Variants in SHC3 observed in about 807,000 individuals in gnomAD.
SHC3 encodes the protein SHC adaptor protein 3.
SHC3 carries 15 observed loss-of-function variants against 60.4 expected under a neutral mutation model. The ratio of observed to expected loss-of-function variants is 0.25; its 90% CI spans 0.17 to 0.38. The LOEUF is 0.38. Among genes scored for constraint, SHC3 ranks in the 10% least tolerant of loss-of-function variants. The pLI, the probability that SHC3 is intolerant of heterozygous loss-of-function variation, is 1.00. For synonymous variants in SHC3, 294 were observed against 325.9 expected, an observed-to-expected ratio of 0.90 and a Z score of 1.05; for missense variants, 677 against 786.1, an observed-to-expected ratio of 0.86 and a Z score of 1.66.
At chr9:89,164,625 G>A (rs1826759873) in intron 1 of SHC3, among the ~76,000 whole-genome samples, 1 of 151,958 alleles carries the variant, frequency 6.6e-6, no homozygotes, top group African/African-American at 2.4e-5. Flanking sequence ...AGGCAGATGA[G>A]ATGACAGACA....
intron 2 of SHC3, among the ~76,000 whole-genome samples, chr9:89,108,122 G>C (rs1825890886): frequency 6.6e-6 from 1 of 152,192 alleles, no homozygotes; most frequent in South Asian, 2.1e-4. Flanking sequence ...AATAGGCTAT[G>C]CTATATAGCC....
chr9:89,068,894 T>C (rs1419713017), intron 5 of SHC3, among the ~76,000 whole-genome samples: 1 of 152,228 alleles, frequency 6.6e-6, no homozygotes, highest in African/African-American at 2.4e-5. Flanking sequence ...TATGTCAAAC[T>C]GGGTTATCCT....
intron 2 of SHC3, chr9:89,110,202 C>T (rs1564151264): frequency 1.0e-6 from 1 of 985,254 alleles, no homozygotes. Flanking sequence ...GAAGTGGAGT[C>T]CTCACATTTG....
At chr9:89,107,620 G>C (rs1825882618) in intron 2 of SHC3, among the ~76,000 whole-genome samples, 1 of 152,222 alleles carries the variant, frequency 6.6e-6, no homozygotes, top group Non-Finnish European at 1.5e-5. Flanking sequence ...GGCTGAGAGA[G>C]GCTTGGCCAT....
At chr9:89,089,742 T>C (rs1825592793) in intron 2 of SHC3, among the ~76,000 whole-genome samples, 1 of 152,208 alleles carries the variant, frequency 6.6e-6, no homozygotes, top group African/African-American at 2.4e-5. Context: ...TCCCAAGTCT[T>C]CTTGGGGGCA....
intron 2 of SHC3, among the ~76,000 whole-genome samples, chr9:89,078,175 C>CTTT (rs879883731): frequency 6.9e-6 from 1 of 144,416 alleles, no homozygotes. Context: ...CAATGCTACA[C>CTTT]TTTTTTTTTT....
chr9:89,065,655 A>G (rs146079934), intron 5 of SHC3, 75 bp from the exon 6 acceptor site: 15,479 of 1,452,422 alleles, frequency 0.011, 103 homozygotes, highest in Middle Eastern at 0.017. Context: ...ACAGGGCACA[A>G]ACCAGTGAGC....
At chr9:89,139,345 T>C (rs1230530255) in intron 1 of SHC3, among the ~76,000 whole-genome samples, 1 of 152,208 alleles carries the variant, frequency 6.6e-6, no homozygotes, top group African/African-American at 2.4e-5. Flanking sequence ...CAGTTTACCA[T>C]TGTTACTAAG....
chr9:89,081,708 G>C (rs1285365944), intron 2 of SHC3, among the ~76,000 whole-genome samples: 2 of 152,120 alleles, frequency 1.3e-5, no homozygotes, highest in Non-Finnish European at 2.9e-5. Context: ...CTCCACACAA[G>C]AAAAAGTCTT....
Position 89,177,976 on chromosome 9 carries a change from C to T in SHC3, c.474+11G>A. ...CCCCCAGCCCCCAGGGCGGCCCGCG[C>T]CCGCACCCACCTTGACCACGTAGGT... On this transcript the variant is annotated intron_variant, in intron 1 of 11. Coordinates refer to ENST00000375835, the MANE Select transcript of SHC3 (RefSeq NM_016848.6). The T allele has an allele frequency of 8.2e-7, 1 of 1,218,984 alleles. No individual in the cohort carries two copies. The highest frequency in any genetic ancestry group is 3.2e-5 in the East Asian group (1 of 30,860). The allele number at this position is 1,218,984 out of a possible 1,614,324, so 75.5% of individuals were successfully genotyped here. A position where few individuals can be genotyped will look rare whatever the true frequency, so the allele number is the denominator to read the frequency against.
Position 89,071,190 on chromosome 9 carries a change from G to C in SHC3, c.783+9C>G. The C allele has an allele frequency of 6.2e-7, 1 of 1,613,956 alleles. No individual in the cohort carries two copies. The highest frequency in any genetic ancestry group is 8.5e-7 in the Non-Finnish European group (1 of 1,179,908). On this transcript the variant is annotated intron_variant, in intron 5 of 11. Coordinates refer to ENST00000375835, the MANE Select transcript of SHC3 (RefSeq NM_016848.6). ...ACAAGAGCAAGAGACCAACCCCAAGGGTACTTACCGGGTCTCCCCCAGAGG... is the reference window on the plus strand; with the variant it reads ...ACAAGAGCAAGAGACCAACCCCAAGCGTACTTACCGGGTCTCCCCCAGAGG...
chr9:89,151,016 CT>C (rs35724935), intron 1 of SHC3, among the ~76,000 whole-genome samples: 94,066 of 140,474 alleles, frequency 0.67, 30,797 homozygotes, highest in East Asian at 0.96. Context: ...ATCTGCATGT[CT>C]TTTTTTTTTT....
chr9:89,159,865 C>T (rs933809990), intron 1 of SHC3, among the ~76,000 whole-genome samples: 6 of 152,204 alleles, frequency 3.9e-5, no homozygotes, highest in Non-Finnish European at 7.3e-5. Context: ...CTTTCCCAGC[C>T]CACTGACTCA....
intron 5 of SHC3, among the ~76,000 whole-genome samples, chr9:89,069,437 A>G (rs148507717): frequency 6.6e-6 from 1 of 152,354 alleles, no homozygotes; most frequent in East Asian, 1.9e-4. Context: ...GAAGGGAAGA[A>G]AAAAAAGAAG....
At chr9:89,054,320 G>A (rs1166895872) in intron 6 of SHC3, among the ~76,000 whole-genome samples, 1 of 152,142 alleles carries the variant, frequency 6.6e-6, no homozygotes, top group Admixed American at 6.5e-5. Context: ...TGGACTCTCG[G>A]GAATTAACTC....
chr9:89,096,022 T>A (rs973695842), intron 2 of SHC3, among the ~76,000 whole-genome samples: 3 of 152,160 alleles, frequency 2.0e-5, no homozygotes, highest in African/African-American at 7.2e-5. Flanking sequence ...TCTGGCCACA[T>A]GTCAGAAAGT....
intron 2 of SHC3, among the ~76,000 whole-genome samples, chr9:89,106,593 C>A (rs1282942612): frequency 2.0e-4 from 30 of 152,134 alleles, no homozygotes; most frequent in Non-Finnish European, 1.5e-5. Flanking sequence ...TTCCTACGCA[C>A]TTCCCCAAAG....
At chr9:89,028,751 T>TTC (rs1824417883) in intron 11 of SHC3, among the ~76,000 whole-genome samples, 3 of 145,596 alleles carry the variant, frequency 2.1e-5, no homozygotes, top group Non-Finnish European at 3.0e-5. Flanking sequence ...TAGATATATA[T>TTC]TCTCTCTATA....
At chr9:89,068,922 T>C (rs1467801681) in intron 5 of SHC3, among the ~76,000 whole-genome samples, 1 of 152,186 alleles carries the variant, frequency 6.6e-6, no homozygotes, top group Non-Finnish European at 1.5e-5. Flanking sequence ...TAAGAAACTA[T>C]GGTTCCAAAC....
Sources: gnomAD v4.1 joint callset for allele counts (sites outside exome capture counted in the v4.1 genomes callset) on GRCh38, gnomAD v4.1.1 for gene constraint, MANE v1.5 for transcripts, NCBI Gene and HGNC (gene_info 2026-07-23, HGNC 2026-07-21) for gene names.